The following COPB2 variants were observed in gnomAD, a reference collection of about 807,000 sequenced individuals.
The protein encoded by COPB2 is coatomer subunit beta'.
A neutral mutation model predicts 120.8 loss-of-function variants in COPB2; 16 were observed. The ratio of observed to expected loss-of-function variants is 0.13; its 90% CI spans 0.09 to 0.20. The LOEUF (loss-of-function observed/expected upper bound fraction) is 0.20. Ranked by LOEUF, COPB2 falls within the 10% of genes least tolerant of loss-of-function variation. The probability of loss-of-function intolerance (pLI) is 1.00; values close to 1 mark genes in which losing one functional copy is unlikely to be tolerated. For missense variants in COPB2, 794 were observed against 1,076.5 expected, an observed-to-expected ratio of 0.74 and a Z score of 3.67; for synonymous variants, 332 against 366.3, an observed-to-expected ratio of 0.91 and a Z score of 1.07.
chr3:139,360,298 CGGATCATTTGAGGT>C (rs1375861325), intron 17 of COPB2, among the ~76,000 whole-genome samples: 2 of 151,340 alleles, frequency 1.3e-5, no homozygotes, highest in Non-Finnish European at 2.9e-5. Context: ...ACGAGGCAGG[CGGATCATTTGAGGT>C]CAGGAGTTTG....
chr3:139,374,306 ATG>A, intron 7 of COPB2, 181 bp downstream of exon 7: 2 of 555,542 alleles, frequency 3.6e-6, no homozygotes, highest in Non-Finnish European at 6.4e-6. Flanking sequence ...GACGATGATG[ATG>A]ATGATGATGA....
chr3:139,376,912 G>A (rs575935029), intron 5 of COPB2, among the ~76,000 whole-genome samples: 1 of 152,264 alleles, frequency 6.6e-6, no homozygotes, highest in African/African-American at 2.4e-5. Context: ...ACCACACCCA[G>A]CTAATTTTTT....
intron 1 of COPB2, chr3:139,385,432 AGT>A (rs1941902007): frequency 6.6e-6 from 1 of 152,130 alleles, no homozygotes; most frequent in African/African-American, 2.4e-5. Context: ...ATGAAGTCCT[AGT>A]AACCATAAAG....
chr3:139,359,181 A>G lies in COPB2; in HGVS notation c.2304-3T>C. 1 of 1,612,980 alleles carries G rather than the reference A, an allele frequency of 6.2e-7. No homozygotes were observed. The highest frequency in any genetic ancestry group is 8.5e-7 in the Non-Finnish European group (1 of 1,179,562). Reference sequence around the variant, plus strand: ...TCTCTCTCCAGAGTTTCACTACCCTATTATAGACATCATGGAACCAAAGAG... The same window carrying G: ...TCTCTCTCCAGAGTTTCACTACCCTGTTATAGACATCATGGAACCAAAGAG... On this transcript the variant is annotated splice_region_variant and splice_polypyrimidine_tract_variant and intron_variant, in intron 18 of 21. Coordinates refer to ENST00000333188, the MANE Select transcript of COPB2 (RefSeq NM_004766.3).
Position 139,373,429 on chromosome 3 carries a change from T to A in COPB2, c.895-17A>T, listed in dbSNP as rs760308551. On this transcript the variant is annotated splice_polypyrimidine_tract_variant and intron_variant, in intron 8 of 21. Coordinates refer to ENST00000333188, the MANE Select transcript of COPB2 (RefSeq NM_004766.3). Reference sequence around the variant, plus strand: ...CCGACCAAGCTGAAAGAAAGAAAAATAGCTCTCAGCAATGAAAAGGAAAAT... The same window carrying A: ...CCGACCAAGCTGAAAGAAAGAAAAAAAGCTCTCAGCAATGAAAAGGAAAAT... The A allele has an allele frequency of 1.2e-6, 2 of 1,613,446 alleles. No individual in the cohort carries two copies. The highest frequency in any genetic ancestry group is 4.5e-5 in the East Asian group (2 of 44,880).
At chr3:139,386,503 C>A (rs181546763) in intron 1 of COPB2, among the ~76,000 whole-genome samples, 44 of 152,294 alleles carry the variant, frequency 2.9e-4, no homozygotes, top group Non-Finnish European at 5.4e-4. Flanking sequence ...GATCCACCCA[C>A]CTCGGTCTCC....
intron 12 of COPB2, 96 bp downstream of exon 12, chr3:139,369,165 G>A (rs1941577815): frequency 1.8e-5 from 14 of 795,736 alleles, no homozygotes; most frequent in Middle Eastern, 3.8e-4. Flanking sequence ...AATCGAAGAG[G>A]GAGAGCAGGG....
Position 139,389,521 on chromosome 3 carries a change from G to A in COPB2, c.3+27C>T, listed in dbSNP as rs368213970. On this transcript the variant is annotated intron_variant, in intron 1 of 21. Transcript: ENST00000333188. ...AATCGGCCGTAACCTATGGGACCCCGCTCCCTTCTACGGGATCTGGACCTA... is the reference window on the plus strand; with the variant it reads ...AATCGGCCGTAACCTATGGGACCCCACTCCCTTCTACGGGATCTGGACCTA... 5.8e-6 allele frequency: 9 copies of A among 1,553,324 alleles called. No individual in the cohort carries two copies. The African/African-American group carries it at 8.2e-5, about 14-fold the overall frequency.
At chr3:139,389,148 T>C (rs1243696667) in intron 1 of COPB2, among the ~76,000 whole-genome samples, 1 of 152,188 alleles carries the variant, frequency 6.6e-6, no homozygotes, top group African/African-American at 2.4e-5. Flanking sequence ...GCACACACTA[T>C]CCCCAGAATA....
chr3:139,362,436 T>G lies in COPB2; in HGVS notation c.1966A>C (p.Ile656Leu). ...GCTTCCACTGCTAACTGGTATGCAA[T>G]TTTTAACTCTCCAAGCTGAAGAGCA... ...ELALQLGELKIAYQLAVEAES... is the reference protein window; with the variant it reads ...ELALQLGELKLAYQLAVEAES... The change falls in exon 16 of 22, where the codon ATT (isoleucine) becomes CTT (leucine). Residue 656 changes from isoleucine (I) to leucine (L), a missense_variant. By Grantham distance (5) the Ile-to-Leu change is conservative (BLOSUM62 2). This residue lies in a region of COPB2 where 610 missense variants were observed against 866.7 expected (regional missense o/e 0.70). Coordinates refer to ENST00000333188, the MANE Select transcript of COPB2 (RefSeq NM_004766.3). 6.2e-7 allele frequency: 1 copy of G among 1,611,798 alleles called. No individual in the cohort carries two copies. The highest frequency in any genetic ancestry group is 8.5e-7 in the Non-Finnish European group (1 of 1,178,792).
intron 15 of COPB2, among the ~76,000 whole-genome samples, chr3:139,363,199 C>A (rs1035764711): frequency 2.0e-5 from 3 of 152,148 alleles, no homozygotes; most frequent in Admixed American, 1.3e-4. Context: ...TCCATTAAGG[C>A]ATTAAGAACA....
intron 1 of COPB2, among the ~76,000 whole-genome samples, chr3:139,388,739 C>T (rs542117924): frequency 6.6e-6 from 1 of 151,306 alleles, no homozygotes; most frequent in East Asian, 1.9e-4. Context: ...GATTCTCCTG[C>T]CTCAGCCTCC....
chr3:139,366,498 C>G, intron 15 of COPB2, 70 bp downstream of exon 15: 1 of 1,398,686 alleles, frequency 7.1e-7, no homozygotes, highest in Non-Finnish European at 9.7e-7. Flanking sequence ...TAAAGTTTTT[C>G]AACTCCATAA....
At chr3:139,358,441 G>T in intron 20 of COPB2, 170 bp from the exon 21 acceptor site, 5 of 636,884 alleles carry the variant, frequency 7.9e-6, no homozygotes, top group Non-Finnish European at 1.4e-5. Flanking sequence ...CACTTTGGGA[G>T]GCCGAAGCAG....
At chr3:139,370,009 T>C (rs1333070759) in intron 10 of COPB2, among the ~76,000 whole-genome samples, 1 of 152,188 alleles carries the variant, frequency 6.6e-6, no homozygotes, top group Non-Finnish European at 1.5e-5. Flanking sequence ...CTAATCTATA[T>C]AGTGACAAAA....
intron 1 of COPB2, among the ~76,000 whole-genome samples, chr3:139,384,093 G>T (rs371997428): frequency 6.6e-6 from 1 of 152,138 alleles, no homozygotes; most frequent in Non-Finnish European, 1.5e-5. Flanking sequence ...GAAATTCTTC[G>T]AAATTCGAGA....
intron 18 of COPB2, 23 bp downstream of exon 18, chr3:139,359,247 T>C (rs1941363719): frequency 1.2e-6 from 2 of 1,612,678 alleles, no homozygotes; most frequent in Admixed American, 1.7e-5. Context: ...GAAACATTTC[T>C]TCCTAAAATT....
chr3:139,359,284 G>C lies in COPB2; in HGVS notation c.2289C>G (p.Pro763=), dbSNP rs1207866503. ...AAAGTCTGTACCTTGAAACCTGACT[G>C]GGTAAGTAAGTTCGGGCCAAGAAGG... The part of the protein sequence containing the change: ...EAAFLARTYL[P]SQVSRVVKLW... Residue 763 remains proline (P), a synonymous_variant, in exon 18 of 22, where the codon CCC becomes CCG. Transcript: ENST00000333188. The C allele has an allele frequency of 1.2e-6, 2 of 1,614,158 alleles. No homozygotes were observed. Among genetic ancestry groups the C allele is most frequent in the African/African-American group, 2.7e-5 (2 of 75,044 alleles).
intron 2 of COPB2, chr3:139,381,696 G>A (rs1941816002): frequency 6.6e-6 from 1 of 152,148 alleles, no homozygotes; most frequent in Non-Finnish European, 1.5e-5. Flanking sequence ...TGCAGATAAA[G>A]CAGAGATATA....
Sources: allele counts gnomAD v4.1 joint callset (sites outside exome capture counted in the v4.1 genomes callset), GRCh38; gene constraint gnomAD v4.1.1; regional missense constraint gnomAD v4.1.1; transcripts MANE v1.5; gene names NCBI Gene and HGNC (gene_info 2026-07-23, HGNC 2026-07-21).